The following KCNAB2 variants were observed in gnomAD, a reference collection of about 807,000 sequenced individuals.
KCNAB2 encodes the protein voltage-gated potassium channel subunit beta-2.
KCNAB2 carries 29 observed loss-of-function variants against 63.6 expected under a neutral mutation model. That is an observed-to-expected ratio of 0.46 (90% CI 0.34 to 0.62). KCNAB2 has a LOEUF of 0.62. Among genes scored for constraint, KCNAB2 ranks in the 20% least tolerant of loss-of-function variants. KCNAB2 has a pLI of 0.01. For synonymous variants in KCNAB2, 222 were observed against 224.2 expected (o/e 0.99, Z 0.09); for missense variants, 359 against 563.9 (o/e 0.64, Z 3.68).
intron 2 of KCNAB2, among the ~76,000 whole-genome samples, chr1:6,067,924 G>A (rs1267708243): frequency 6.6e-6 from 1 of 152,118 alleles, no homozygotes; most frequent in African/African-American, 2.4e-5. Flanking sequence ...CCAACTACTT[G>A]GGAGGCTGAG....
At chr1:6,025,173 A>G (rs1455885171) in intron 1 of KCNAB2, among the ~76,000 whole-genome samples, 2 of 151,014 alleles carry the variant, frequency 1.3e-5, no homozygotes, top group African/African-American at 2.4e-5. Context: ...TCCCCTAACC[A>G]CTGTCTTTAT....
intron 14 of KCNAB2, 36 bp from the exon 15 acceptor site, chr1:6,097,233 G>A (rs1187413432): frequency 6.6e-7 from 1 of 1,511,714 alleles, no homozygotes; most frequent in Admixed American, 2.0e-5. Context: ...CCCTGTGGTG[G>A]GTGTTTCTCC....
At chr1:6,061,827 T>G (rs1006268230) in intron 2 of KCNAB2, among the ~76,000 whole-genome samples, 1 of 152,240 alleles carries the variant, frequency 6.6e-6, no homozygotes, top group African/African-American at 2.4e-5. Context: ...TAAATTAATC[T>G]GCTACCATGA....
At chr1:6,089,169 G>C (rs188431900) in intron 8 of KCNAB2, 118 bp downstream of exon 8, 2 of 1,095,118 alleles carry the variant, frequency 1.8e-6, no homozygotes, top group African/African-American at 3.1e-5. Context: ...GCCCAATCCC[G>C]GGGCACCCGG....
upstream of KCNAB2, among the ~76,000 whole-genome samples, chr1:6,032,120 T>C (rs1659668706): frequency 6.6e-6 from 1 of 152,186 alleles, no homozygotes; most frequent in African/African-American, 2.4e-5. Context: ...CTTGGCTTCC[T>C]GTCCTCTCAC....
chr1:6,096,862 G>C lies in KCNAB2; in HGVS notation c.1069+106G>C, dbSNP rs762699086. On this transcript the variant is annotated intron_variant, in intron 14 of 15. Coordinates refer to ENST00000378083, the MANE Select transcript of KCNAB2 (RefSeq NM_001199862.2). This position sits in a 1 kb window ranked among gnomAD's most constrained non-coding sequence, Gnocchi z 5.9. ...CATGGGGCCAGTGTCTCCGGGGAGA[G>C]AGGGAAGGGATCCCTGGACATCATC... The C allele has an allele frequency of 3.0e-6, 4 of 1,353,150 alleles. No individual in the cohort carries two copies. The highest frequency in any genetic ancestry group is 3.9e-6 in the Non-Finnish European group (4 of 1,017,496). 83.8% of individuals were successfully genotyped at this position (1,353,150 alleles called of 1,614,324 possible).
chr1:6,087,600 G>C lies in KCNAB2; in HGVS notation c.470+89G>C. ...GAGACCCCTGACCTAGAAGGCTCCT[G>C]GGGTGGCGGGAGGACAGTCCTCCTT... On this transcript the variant is annotated intron_variant, in intron 7 of 15. Coordinates refer to ENST00000378083, the MANE Select transcript of KCNAB2 (RefSeq NM_001199862.2). The surrounding 1 kb of genome is among the most constrained non-coding windows in gnomAD (Gnocchi z 6.4). 7.1e-7 allele frequency: 1 copy of C among 1,408,432 alleles called. No homozygotes were observed. The highest frequency in any genetic ancestry group is 1.0e-6 in the Non-Finnish European group (1 of 997,000). 87.2% of individuals were successfully genotyped at this position (1,408,432 alleles called of 1,614,324 possible).
At chr1:6,040,627 C>T in exon 2 of KCNAB2, 2 of 1,613,486 alleles carry the variant, frequency 1.2e-6, no homozygotes, top group Non-Finnish European at 1.7e-6. Flanking sequence ...CAGACGGGCT[C>T]CCCCGGGATG....
At position 6,028,106 on chromosome 1, in the gene KCNAB2, C is replaced by T. The variant is rs1659326620; in HGVS notation, c.-52-12411C>T. Among the ~76,000 whole-genome samples, 1 of 152,178 alleles carries T rather than the reference C, an allele frequency of 6.6e-6. No individual in the cohort carries two copies. The highest frequency in any genetic ancestry group is 2.1e-4 in the South Asian group (1 of 4,838). Reference sequence around the variant, plus strand: ...CATGACCCACCAGGCCAACGGCCCCCTAGGGTCTTGACCCCAGTGCACTCA... The same window carrying T: ...CATGACCCACCAGGCCAACGGCCCCTTAGGGTCTTGACCCCAGTGCACTCA... On this transcript the variant is annotated intron_variant, in intron 1 of 16. Transcript: ENST00000341524. This position sits in a 1 kb window ranked among gnomAD's most constrained non-coding sequence, Gnocchi z 4.0.
intron 5 of KCNAB2, among the ~76,000 whole-genome samples, chr1:6,084,088 G>T (rs1664443266): frequency 6.6e-6 from 1 of 152,228 alleles, no homozygotes; most frequent in Non-Finnish European, 1.5e-5. Flanking sequence ...TAAACAGCTT[G>T]CAAATCAGAG....
upstream of KCNAB2, among the ~76,000 whole-genome samples, chr1:6,030,490 T>G (rs540327082): frequency 2.7e-4 from 41 of 152,082 alleles, no homozygotes; most frequent in Non-Finnish European, 4.6e-4. Context: ...TACGTGTGTC[T>G]GTGCATTGTG....
At chr1:6,084,529 T>A (rs887693263) in intron 5 of KCNAB2, among the ~76,000 whole-genome samples, 1 of 152,226 alleles carries the variant, frequency 6.6e-6, no homozygotes, top group African/African-American at 2.4e-5. Context: ...TGAAAAAAGA[T>A]ACTTGTCCCG....
At chr1:6,045,662 C>T (rs184345051), upstream of KCNAB2, among the ~76,000 whole-genome samples, 602 of 152,318 alleles carry the variant, frequency 4.0e-3, 3 homozygotes, top group African/African-American at 0.014. This position sits in a 1 kb window ranked among gnomAD's most constrained non-coding sequence, Gnocchi z 4.8. Flanking sequence ...ACGGGGCCCC[C>T]AGCTCCCCTG....
chr1:6,098,585 C>T lies in KCNAB2; in HGVS notation c.*11C>T. The T allele has an allele frequency of 6.2e-7, 1 of 1,612,938 alleles. No individual in the cohort carries two copies. The highest frequency in any genetic ancestry group is 8.5e-7 in the Non-Finnish European group (1 of 1,179,456). On this transcript the variant is annotated 3_prime_UTR_variant, in exon 16 of 16. Coordinates refer to ENST00000378083, the MANE Select transcript of KCNAB2 (RefSeq NM_001199862.2). ...GACTACAGATCCTAAGCCGCCCCCG[C>T]CCGCCTGCTCGGACAGTTTCCGTTC...
chr1:6,048,536 C>A lies in KCNAB2; in HGVS notation c.-27+2353C>A, dbSNP rs1286990771. Among the ~76,000 whole-genome samples the A allele has an allele frequency of 2.0e-5, 3 of 152,244 alleles. No individual in the cohort carries two copies. The East Asian group carries it at 5.8e-4, about 29-fold the overall frequency. ...TCCAGAAGCTGGGCACTCAGCCACC[C>A]CGTCCTCCAGCCCCGGGGCCTTGGC... is the stretch of plus-strand genomic sequence containing the variant. On this transcript the variant is annotated intron_variant, in intron 1 of 15. Coordinates refer to ENST00000378083, the MANE Select transcript of KCNAB2 (RefSeq NM_001199862.2).
At chr1:6,007,525 G>A (rs1237775155) in intron 1 of KCNAB2, 1 of 152,590 alleles carries the variant, frequency 6.6e-6, no homozygotes, top group Non-Finnish European at 1.5e-5. Context: ...CCTCCTCCGC[G>A]CCTCCTCTGC....
At chr1:6,034,344 A>G (rs547509565) in exon 1 of KCNAB2, 5 of 152,520 alleles carry the variant, frequency 3.3e-5, no homozygotes, top group African/African-American at 9.6e-5. Context: ...GGAGGTGGCA[A>G]AGGTGGTGGA....
intron 1 of KCNAB2, among the ~76,000 whole-genome samples, chr1:6,013,544 C>T (rs760121070): frequency 6.6e-6 from 1 of 152,156 alleles, no homozygotes; most frequent in East Asian, 1.9e-4. Context: ...AGGTCAGACA[C>T]AGCCGCCACT....
intron 2 of KCNAB2, among the ~76,000 whole-genome samples, chr1:6,055,723 G>T (rs1661758570): frequency 1.3e-5 from 2 of 152,150 alleles, no homozygotes; most frequent in Admixed American, 1.3e-4. Context: ...TGAAGGTGGG[G>T]CGGGGAGGGT....
Sources: gnomAD v4.1 joint callset for allele counts (sites outside exome capture counted in the v4.1 genomes callset) on GRCh38, gnomAD v4.1.1 for gene constraint, Gnocchi (gnomAD v3.1) non-coding constraint, MANE v1.5 for transcripts, NCBI Gene and HGNC (gene_info 2026-07-23, HGNC 2026-07-21) for gene names.